The following GRIN2B variants were observed in gnomAD, a reference collection of about 807,000 sequenced individuals.
The protein encoded by GRIN2B is glutamate ionotropic receptor NMDA type subunit 2B, also known as glutamate receptor ionotropic, NMDA 2B.
In GRIN2B, 5 loss-of-function variants were observed where a neutral mutation model predicts 114.5. The observed-to-expected ratio is 0.04, with a 90% CI of 0.02 to 0.09. The LOEUF is 0.09. Among genes scored for constraint, GRIN2B ranks in the 10% least tolerant of loss-of-function variants. The pLI is 1.00. For synonymous variants in GRIN2B, 787 were observed against 745.1 expected, an observed-to-expected ratio of 1.06 and a Z score of -0.92; for missense variants, 1,108 against 1,943.5, an observed-to-expected ratio of 0.57 and a Z score of 8.08.
chr12:13,932,552 T>C (rs1437196528), intron 2 of GRIN2B, among the ~76,000 whole-genome samples: 2 of 152,124 alleles, frequency 1.3e-5, no homozygotes, highest in African/African-American at 4.8e-5. Context: ...TCACACCCAG[T>C]CAAAAGTCTT....
chr12:13,580,060 AG>A (rs1313491736), intron 10 of GRIN2B, among the ~76,000 whole-genome samples: 1 of 152,224 alleles, frequency 6.6e-6, no homozygotes, highest in East Asian at 1.9e-4. Context: ...TGGCACCAGG[AG>A]AGGAGCAGAT....
intron 3 of GRIN2B, among the ~76,000 whole-genome samples, chr12:13,801,156 G>A (rs1433118108): frequency 6.6e-6 from 1 of 152,110 alleles, no homozygotes; most frequent in African/African-American, 2.4e-5. Flanking sequence ...CTTATTGATT[G>A]TAAATACTGA....
At chr12:13,680,450 G>A (rs1439086494) in intron 4 of GRIN2B, among the ~76,000 whole-genome samples, 5 of 126,658 alleles carry the variant, frequency 3.9e-5, no homozygotes, top group African/African-American at 1.5e-4. Context: ...GTGTGTGTGT[G>A]TGTGTGTGTG....
In GRIN2B at chr12:13,797,598, A is replaced by C. The variant is rs545709021; in HGVS notation, c.412-43683T>G. Among the ~76,000 whole-genome samples the C allele has an allele frequency of 7.9e-5, 12 of 152,310 alleles. 1 individual carries two copies. The South Asian group carries it at 2.1e-3, about 26-fold the overall frequency. ...TCTACTTTCATGCAAATAGGTAGGAAACTACATACTGTTTTGACTAATGTA... is the reference window on the plus strand; with the variant it reads ...TCTACTTTCATGCAAATAGGTAGGACACTACATACTGTTTTGACTAATGTA... On this transcript the variant is annotated intron_variant, in intron 3 of 13. Transcript: ENST00000609686.
At chr12:13,885,441 A>G (rs1314378030) in intron 2 of GRIN2B, among the ~76,000 whole-genome samples, 1 of 152,204 alleles carries the variant, frequency 6.6e-6, no homozygotes, top group Non-Finnish European at 1.5e-5. Flanking sequence ...GGGTGTGGTT[A>G]GAAGCCCTCT....
chr12:13,569,807 C>A, intron 12 of GRIN2B, 23 bp downstream of exon 12: 1 of 1,515,260 alleles, frequency 6.6e-7, no homozygotes, highest in East Asian at 2.3e-5. Context: ...GACAAATGGG[C>A]ACTTTCCCTT....
intron 2 of GRIN2B, among the ~76,000 whole-genome samples, chr12:13,930,518 C>T (rs959289008): frequency 1.3e-5 from 2 of 152,294 alleles, no homozygotes; most frequent in East Asian, 1.9e-4. Context: ...CCGGTAAAAA[C>T]CAGACCCTCT....
At chr12:13,858,982 C>T (rs1053437720) in intron 3 of GRIN2B, among the ~76,000 whole-genome samples, 4 of 152,226 alleles carry the variant, frequency 2.6e-5, no homozygotes, top group African/African-American at 9.6e-5. Context: ...AATCCATTTT[C>T]CTCAAGTGAT....
At chr12:13,923,577 A>G (rs1591623722) in intron 2 of GRIN2B, among the ~76,000 whole-genome samples, 1 of 152,354 alleles carries the variant, frequency 6.6e-6, no homozygotes, top group East Asian at 1.9e-4. Context: ...GAGAGTAGGC[A>G]GAGAATAAAT....
At chr12:13,951,067 T>A (rs1025294791) in intron 2 of GRIN2B, among the ~76,000 whole-genome samples, 8 of 152,224 alleles carry the variant, frequency 5.3e-5, no homozygotes, top group Non-Finnish European at 1.2e-4. Context: ...AGTAGTGATA[T>A]GGCCTGCCAG....
chr12:13,548,404 A>C lies in GRIN2B; in HGVS notation c.*14379T>G, dbSNP rs73290091. The C allele has an allele frequency of 0.11, 16,195 of 151,904 alleles. 942 individuals carry two copies. Among genetic ancestry groups the C allele is most frequent in the South Asian group, 0.21 (1,014 of 4,802 alleles). 9.4% of individuals were successfully genotyped at this position (151,904 alleles called of 1,614,324 possible). A position where few individuals can be genotyped will look rare whatever the true frequency, so the allele number is the denominator to read the frequency against. ...TATTTTAATATTTAATACTAAGTAC[A>C]AGAGCTCTGTGGTTTCAATCAAATA... On this transcript the variant is annotated 3_prime_UTR_variant, in exon 14 of 14. Transcript: ENST00000609686.
chr12:13,900,435 A>T (rs973132466), intron 2 of GRIN2B, among the ~76,000 whole-genome samples: 1 of 152,002 alleles, frequency 6.6e-6, no homozygotes, highest in Non-Finnish European at 1.5e-5. Flanking sequence ...AGATCACGCC[A>T]TTGCACTCCA....
At chr12:13,816,357 T>C (rs191165578) in intron 3 of GRIN2B, among the ~76,000 whole-genome samples, 27 of 152,336 alleles carry the variant, frequency 1.8e-4, no homozygotes, top group African/African-American at 5.8e-4. Context: ...TCCCCATCCT[T>C]CTGGAAAATG....
At chr12:13,831,763 T>C (rs1306807325) in intron 3 of GRIN2B, among the ~76,000 whole-genome samples, 1 of 152,204 alleles carries the variant, frequency 6.6e-6, no homozygotes, top group Admixed American at 6.5e-5. Flanking sequence ...TTAGTCTCTT[T>C]TCTTATTCAG....
intron 3 of GRIN2B, among the ~76,000 whole-genome samples, chr12:13,862,889 C>T (rs1039267771): frequency 1.3e-5 from 2 of 152,216 alleles, no homozygotes; most frequent in African/African-American, 2.4e-5. Context: ...CATCGAACGC[C>T]TGGGGCTGAG....
Position 13,564,501 on chromosome 12 carries a change from C to T in GRIN2B, c.2737G>A (p.Gly913Ser), listed in dbSNP as rs1399970394. 1 of 1,614,106 alleles carries T rather than the reference C, an allele frequency of 6.2e-7. No homozygotes were observed. The highest frequency in any genetic ancestry group is 8.5e-7 in the Non-Finnish European group (1 of 1,180,054). The change falls in exon 14 of 14, where the codon GGT (glycine) becomes AGT (serine). Residue 913 changes from glycine (G) to serine (S), a missense_variant. Physicochemically the swap from Gly to Ser is moderately conservative, Grantham distance 56. Around this residue, in one of 19 missense-constraint regions of GRIN2B, gnomAD observed 27 missense variants for 51.7 expected, o/e 0.52. Transcript: ENST00000609686. The surrounding 1 kb of genome is among the most constrained non-coding windows in gnomAD (Gnocchi z 4.8). Reference sequence around the variant, plus strand: ...GCGCTCTGCGGTGAGCCATTCACACCAGACAGGTTAGCCATGTTCTTGGCC... The same window carrying T: ...GCGCTCTGCGGTGAGCCATTCACACTAGACAGGTTAGCCATGTTCTTGGCC... ...RTAKNMANLS[G>S]VNGSPQSALD...
intron 3 of GRIN2B, among the ~76,000 whole-genome samples, chr12:13,860,782 C>T (rs994761993): frequency 6.6e-6 from 1 of 152,138 alleles, no homozygotes; most frequent in African/African-American, 2.4e-5. Flanking sequence ...AGATCCTGAC[C>T]CTTTACTCAG....
At chr12:13,978,489 G>A (rs1039359752) in intron 2 of GRIN2B, among the ~76,000 whole-genome samples, 6 of 152,122 alleles carry the variant, frequency 3.9e-5, no homozygotes, top group African/African-American at 1.2e-4. Context: ...GGACAATGAA[G>A]AACTATCATC....
intron 10 of GRIN2B, among the ~76,000 whole-genome samples, chr12:13,607,327 A>AAT (rs1949277846): frequency 1.8e-5 from 1 of 56,330 alleles, no homozygotes; most frequent in African/African-American, 7.4e-5. Context: ...TAAAATATAT[A>AAT]ATATATATTA....
Sources: allele counts gnomAD v4.1 joint callset (sites outside exome capture counted in the v4.1 genomes callset), GRCh38; gene constraint gnomAD v4.1.1; regional missense constraint gnomAD v4.1.1; non-coding constraint Gnocchi (gnomAD v3.1); transcripts MANE v1.5; gene names NCBI Gene and HGNC (gene_info 2026-07-23, HGNC 2026-07-21).